The following GLB1 variants were observed in gnomAD, a reference collection of about 807,000 sequenced individuals.
The protein encoded by GLB1 is beta-galactosidase.
Under a neutral mutation model 74.0 loss-of-function variants are expected in GLB1, and 56 were observed. The ratio of observed to expected loss-of-function variants is 0.76; its 90% CI spans 0.61 to 0.94. The LOEUF (loss-of-function observed/expected upper bound fraction) is 0.94, where lower values mean the gene tolerates loss of function less well. Among genes scored for constraint, GLB1 ranks in the 40% least tolerant of loss-of-function variants. The pLI is 0.00. For missense variants in GLB1, 787 were observed against 845.5 expected, an observed-to-expected ratio of 0.93 and a Z score of 0.86; for synonymous variants, 323 against 323.6, an observed-to-expected ratio of 1.00 and a Z score of 0.02.
chr3:33,091,825 C>G (rs1700776116), intron 1 of GLB1: 1 of 985,370 alleles, frequency 1.0e-6, no homozygotes, highest in South Asian at 4.7e-5. Flanking sequence ...ACCAGCCCAG[C>G]CCTGTCTTCT....
the GLB1 span, among the ~76,000 whole-genome samples, chr3:32,971,122 C>T: frequency 6.6e-6 from 1 of 152,226 alleles, no homozygotes; most frequent in Non-Finnish European, 1.5e-5. Context: ...GCTAACACAG[C>T]TCCAACATTT....
At chr3:32,994,706 A>C (rs1696277575), downstream of GLB1, among the ~76,000 whole-genome samples, 1 of 152,086 alleles carries the variant, frequency 6.6e-6, no homozygotes, top group Non-Finnish European at 1.5e-5. Context: ...GGATAACCTG[A>C]GGTCAGGAGT....
chr3:33,078,363 G>A (rs1700202582), intron 1 of GLB1, among the ~76,000 whole-genome samples: 2 of 152,206 alleles, frequency 1.3e-5, no homozygotes, highest in South Asian at 4.1e-4. Flanking sequence ...AAACACTGAT[G>A]GAAATTGTGT....
chr3:33,073,183 G>C (rs1001623165), intron 1 of GLB1, among the ~76,000 whole-genome samples: 2 of 152,054 alleles, frequency 1.3e-5, no homozygotes, highest in African/African-American at 4.8e-5. Flanking sequence ...TAAAACTCCA[G>C]AGCCTGACGC....
intron 15 of GLB1, 55 bp downstream of exon 15, chr3:33,014,001 A>G (rs1697133191): frequency 6.2e-7 from 1 of 1,613,748 alleles, no homozygotes; most frequent in South Asian, 1.1e-5. Flanking sequence ...TTTCTCAGAC[A>G]CTAACAACCA....
At chr3:33,046,632 T>A in intron 9 of GLB1, among the ~76,000 whole-genome samples, 1 of 152,118 alleles carries the variant, frequency 6.6e-6, no homozygotes, top group Non-Finnish European at 1.5e-5. Flanking sequence ...CTCTGAACTT[T>A]TTCACGTCCT....
intron 3 of GLB1, 80 bp downstream of exon 3, chr3:33,068,740 C>G: frequency 6.2e-7 from 1 of 1,610,436 alleles, no homozygotes; most frequent in African/African-American, 1.3e-5. Flanking sequence ...GAATGCAGGT[C>G]TGCTTTAATT....
At chr3:33,070,890 T>C (rs560144730) in intron 2 of GLB1, among the ~76,000 whole-genome samples, 2 of 152,268 alleles carry the variant, frequency 1.3e-5, no homozygotes, top group East Asian at 3.9e-4. Flanking sequence ...TATATGTCCA[T>C]GTGAGGCTTA....
At chr3:33,082,394 A>C (rs1397895122) in intron 1 of GLB1, among the ~76,000 whole-genome samples, 1 of 151,998 alleles carries the variant, frequency 6.6e-6, no homozygotes, top group Non-Finnish European at 1.5e-5. Context: ...CCCACTCCCC[A>C]CTCCCACTCA....
chr3:33,087,575 GCGCGCACACACA>G (rs770735694), intron 1 of GLB1, among the ~76,000 whole-genome samples: 20 of 36,056 alleles, frequency 5.5e-4, no homozygotes, highest in Non-Finnish European at 8.2e-4. Flanking sequence ...GTCTCAGCAT[GCGCGCACACACA>G]CACACACACA....
intron 10 of GLB1, among the ~76,000 whole-genome samples, chr3:33,031,225 G>A (rs892302386): frequency 2.6e-5 from 4 of 152,178 alleles, no homozygotes; most frequent in African/African-American, 9.7e-5. Flanking sequence ...TTTGATGAAG[G>A]AAGGAGGCAG....
At chr3:33,038,087 CAT>C (rs1698355781) in intron 10 of GLB1, 1 of 147,114 alleles carries the variant, frequency 6.8e-6, no homozygotes, top group East Asian at 2.1e-4. Flanking sequence ...GCATATCTGC[CAT>C]ATCTTTAAAA....
At chr3:33,008,804 G>A (rs1243440048) in intron 15 of GLB1, among the ~76,000 whole-genome samples, 1 of 152,162 alleles carries the variant, frequency 6.6e-6, no homozygotes, top group Non-Finnish European at 1.5e-5. Context: ...CAAGGGGGCA[G>A]GTGGACTGAT....
the GLB1 span, among the ~76,000 whole-genome samples, chr3:32,967,745 CT>C: frequency 6.6e-6 from 1 of 152,180 alleles, no homozygotes; most frequent in Non-Finnish European, 1.5e-5. Context: ...GTCTGCGGGA[CT>C]AGAGCCTCAG....
At chr3:33,071,222 A>C (rs1699875641) in intron 2 of GLB1, among the ~76,000 whole-genome samples, 1 of 152,210 alleles carries the variant, frequency 6.6e-6, no homozygotes, top group African/African-American at 2.4e-5. Flanking sequence ...GGTCTTCCAG[A>C]ACTCACTGTC....
At chr3:33,039,202 A>G (rs1698403934) in intron 10 of GLB1, among the ~76,000 whole-genome samples, 1 of 151,642 alleles carries the variant, frequency 6.6e-6, no homozygotes. Flanking sequence ...AGGCAGGAGA[A>G]TCACTTAAAC....
intron 1 of GLB1, among the ~76,000 whole-genome samples, chr3:33,078,919 T>TGA (rs1700224229): frequency 6.6e-6 from 1 of 152,132 alleles, no homozygotes; most frequent in Non-Finnish European, 1.5e-5. Context: ...TCATATCTCA[T>TGA]GGCAGTCTTG....
At position 33,068,119 on chromosome 3, in the gene GLB1, T is replaced by C. The variant is rs1699759878; in HGVS notation, c.457+111A>G. 3 of 1,503,206 alleles carry C rather than the reference T, an allele frequency of 2.0e-6. No homozygotes were observed. The African/African-American group carries it at 4.1e-5, about 21-fold the overall frequency. 93.1% of individuals were successfully genotyped at this position (1,503,206 alleles called of 1,614,324 possible). ...CCAGCCTGGTCTCGAACTCCCAACCTCAGGTAATCCACCCGCCTCAGCCTC... is the reference window on the plus strand; with the variant it reads ...CCAGCCTGGTCTCGAACTCCCAACCCCAGGTAATCCACCCGCCTCAGCCTC... On this transcript the variant is annotated intron_variant, in intron 4 of 15. Coordinates refer to ENST00000307363, the MANE Select transcript of GLB1 (RefSeq NM_000404.4).
chr3:32,975,619 G>A, the GLB1 span, among the ~76,000 whole-genome samples: 2 of 152,176 alleles, frequency 1.3e-5, no homozygotes, highest in Admixed American at 6.5e-5. Context: ...GAGAGACTGC[G>A]AGAGAAAGAG....
Sources: gnomAD v4.1 joint callset for allele counts (sites outside exome capture counted in the v4.1 genomes callset) on GRCh38, gnomAD v4.1.1 for gene constraint, MANE v1.5 for transcripts, NCBI Gene and HGNC (gene_info 2026-07-23, HGNC 2026-07-21) for gene names.